The following ADGRL2 variants were observed in gnomAD, a reference collection of about 807,000 sequenced individuals.
ADGRL2 encodes the protein calcium-independent alpha-latrotoxin receptor 2.
In ADGRL2, 44 loss-of-function variants were observed where a neutral mutation model predicts 157.4. That is an observed-to-expected ratio of 0.28 (90% CI 0.22 to 0.36). The LOEUF (loss-of-function observed/expected upper bound fraction) is 0.36, where lower values mean the gene tolerates loss of function less well. ADGRL2 is among the 10% of genes least tolerant of loss of function. The probability of loss-of-function intolerance (pLI) is 1.00; values close to 1 mark genes in which losing one functional copy is unlikely to be tolerated. For missense variants in ADGRL2, 1,510 were observed against 1,768.9 expected (o/e 0.85, Z 2.63); for synonymous variants, 585 against 624.7 (o/e 0.94, Z 0.95).
At chr1:81,563,876 A>T (rs1303377772) in intron 2 of ADGRL2, among the ~76,000 whole-genome samples, 1 of 152,176 alleles carries the variant, frequency 6.6e-6, no homozygotes, top group Non-Finnish European at 1.5e-5. Flanking sequence ...AACACTTTCT[A>T]AGTGCCTACT....
chr1:81,742,305 A>C (rs2085098031), intron 1 of ADGRL2, among the ~76,000 whole-genome samples: 2 of 152,044 alleles, frequency 1.3e-5, no homozygotes, highest in South Asian at 4.1e-4. Context: ...AACTTCACTC[A>C]TTAAAGGTTT....
chr1:81,933,243 C>T (rs1013786989), intron 3 of ADGRL2, among the ~76,000 whole-genome samples: 4 of 152,060 alleles, frequency 2.6e-5, no homozygotes, highest in Non-Finnish European at 5.9e-5. Flanking sequence ...TCATTAAAAC[C>T]CTATTTTTTC....
intron 1 of ADGRL2, among the ~76,000 whole-genome samples, chr1:81,825,973 A>G (rs2091445093): frequency 6.6e-6 from 1 of 152,130 alleles, no homozygotes; most frequent in Non-Finnish European, 1.5e-5. Flanking sequence ...AAGCAATGGG[A>G]AGAGGATTAA....
chr1:81,323,364 AG>A (rs1288076374), intron 1 of ADGRL2, among the ~76,000 whole-genome samples: 2 of 151,448 alleles, frequency 1.3e-5, no homozygotes, highest in Non-Finnish European at 2.9e-5. Flanking sequence ...CTTAGACCCC[AG>A]AGTAACTGAG....
At chr1:81,382,467 C>T (rs1457023687) in intron 1 of ADGRL2, among the ~76,000 whole-genome samples, 1 of 152,128 alleles carries the variant, frequency 6.6e-6, no homozygotes, top group Non-Finnish European at 1.5e-5. Flanking sequence ...CCTGGTGACC[C>T]AGACATGCCA....
At chr1:81,926,325 G>A (rs1300050280) in intron 3 of ADGRL2, among the ~76,000 whole-genome samples, 1 of 151,800 alleles carries the variant, frequency 6.6e-6, no homozygotes, top group African/African-American at 2.4e-5. Flanking sequence ...AATAACCCAC[G>A]ACAAAAGGGT....
rs576167342 is a variant in ADGRL2, at chr1:81,634,628, G to A, written c.-143+53648G>A. ...TGGCTCACTGCCACTTCTGCCTCCT[G>A]GGTTCCAGTCCCAGCCTCCCGAGTA... On this transcript the variant is annotated intron_variant, in intron 3 of 24. Coordinates refer to the ADGRL2 transcript ENST00000370721. Among the ~76,000 whole-genome samples, 6 of 151,210 alleles carry A rather than the reference G, an allele frequency of 4.0e-5. No individual in the cohort carries two copies. In the East Asian group the frequency reaches 1.2e-3, roughly 30 times the overall value.
intron 2 of ADGRL2, among the ~76,000 whole-genome samples, chr1:81,465,479 A>C (rs1307389408): frequency 1.3e-5 from 2 of 152,178 alleles, no homozygotes; most frequent in Admixed American, 1.3e-4. Flanking sequence ...TAGAAGGGGA[A>C]AAATGATCTC....
chr1:81,981,464 C>T (rs995404110), intron 18 of ADGRL2, among the ~76,000 whole-genome samples: 1 of 151,854 alleles, frequency 6.6e-6, no homozygotes, highest in Non-Finnish European at 1.5e-5. Flanking sequence ...AATAAAAATA[C>T]AGGAGTAAAT....
At position 81,943,585 on chromosome 1, in the gene ADGRL2, C is replaced by T. The variant is rs149165038; in HGVS notation, c.1026C>T (p.Asn342=). The change falls in exon 6 of 24, where the codon AAC becomes AAT. Residue 342 remains asparagine (N), a synonymous_variant. Transcript: ENST00000686636. The surrounding 1 kb of genome is among the most constrained non-coding windows in gnomAD (Gnocchi z 5.6). ...YQDNESETGK[N]SIDYIYNTRL... ...ACAATGAAAGTGAAACAGGCAAGAA[C>T]TCAATTGATTACATTTATAATACCC... The T allele has an allele frequency of 8.0e-4, 1,296 of 1,613,744 alleles. No homozygotes were observed. The highest frequency in any genetic ancestry group is 1.0e-3 in the Non-Finnish European group (1,219 of 1,179,746).
At chr1:81,334,201 T>A (rs1035970227) in intron 1 of ADGRL2, among the ~76,000 whole-genome samples, 1 of 152,220 alleles carries the variant, frequency 6.6e-6, no homozygotes, top group African/African-American at 2.4e-5. Context: ...TTCTACCACT[T>A]GCCAGCTGTG....
intron 22 of ADGRL2, 129 bp downstream of exon 22, chr1:81,987,158 A>G: frequency 7.4e-7 from 1 of 1,356,462 alleles, no homozygotes; most frequent in Non-Finnish European, 1.0e-6. Flanking sequence ...AGTTAAAAAA[A>G]ATTACGGTAT....
At chr1:81,614,108 A>G (rs2081596266) in intron 3 of ADGRL2, among the ~76,000 whole-genome samples, 1 of 152,182 alleles carries the variant, frequency 6.6e-6, no homozygotes, top group Admixed American at 6.5e-5. Context: ...TTATTGGCAT[A>G]ATACCTCTAA....
At chr1:81,372,037 C>T (rs898903682) in intron 1 of ADGRL2, among the ~76,000 whole-genome samples, 6 of 151,990 alleles carry the variant, frequency 3.9e-5, no homozygotes, top group African/African-American at 9.7e-5. Context: ...ATCTCTGTCC[C>T]GAGACCAGTA....
intron 1 of ADGRL2, among the ~76,000 whole-genome samples, chr1:81,342,896 G>A (rs1191584155): frequency 6.6e-6 from 1 of 151,830 alleles, no homozygotes; most frequent in Non-Finnish European, 1.5e-5. Flanking sequence ...CCCAACACCA[G>A]TGTTTTCCAA....
At chr1:81,342,373 T>C (rs904964202) in intron 1 of ADGRL2, among the ~76,000 whole-genome samples, 2 of 152,234 alleles carry the variant, frequency 1.3e-5, no homozygotes, top group East Asian at 1.9e-4. Context: ...AATTGTATCA[T>C]GTACCTTTGA....
intron 1 of ADGRL2, among the ~76,000 whole-genome samples, chr1:81,363,496 G>A (rs1361644303): frequency 1.3e-5 from 2 of 152,064 alleles, no homozygotes; most frequent in Admixed American, 1.3e-4. Flanking sequence ...CCACTGGGTA[G>A]AATTATCACA....
intron 1 of ADGRL2, among the ~76,000 whole-genome samples, chr1:81,728,484 A>G (rs2084613800): frequency 1.3e-5 from 2 of 152,198 alleles, no homozygotes; most frequent in African/African-American, 4.8e-5. Context: ...ACCCTGCCTA[A>G]TATTTAGCTC....
chr1:81,428,246 T>A (rs2077254938), intron 1 of ADGRL2, among the ~76,000 whole-genome samples: 5 of 152,268 alleles, frequency 3.3e-5, no homozygotes, highest in African/African-American at 9.6e-5. Context: ...AATGTGTGTT[T>A]TAGATAAATA....
Sources: gnomAD v4.1 joint callset for allele counts (sites outside exome capture counted in the v4.1 genomes callset) on GRCh38, gnomAD v4.1.1 for gene constraint, Gnocchi (gnomAD v3.1) non-coding constraint, MANE v1.5 for transcripts, NCBI Gene and HGNC (gene_info 2026-07-23, HGNC 2026-07-21) for gene names.